Variants in GPC5 observed in about 807,000 individuals in gnomAD.
GPC5 encodes glypican 5.
In GPC5, 47 loss-of-function variants were observed where a neutral mutation model predicts 53.9. The observed-to-expected ratio is 0.87, with a 90% CI of 0.69 to 1.11. The LOEUF (loss-of-function observed/expected upper bound fraction) is 1.11, where lower values mean the gene tolerates loss of function less well. Among genes scored for constraint, GPC5 ranks in the 50% most tolerant of loss-of-function variants. The pLI is 0.00. For synonymous variants in GPC5, 286 were observed against 263.3 expected (o/e 1.09, Z -0.84); for missense variants, 748 against 713.1 (o/e 1.05, Z -0.56).
chr13:92,754,285 A>AT (rs1410095304), intron 7 of GPC5, among the ~76,000 whole-genome samples: 1 of 152,126 alleles, frequency 6.6e-6, no homozygotes, highest in Non-Finnish European at 1.5e-5. Context: ...ATGCTGAGAG[A>AT]TTTTCTCACC....
At chr13:92,580,981 A>C (rs535082377) in intron 7 of GPC5, among the ~76,000 whole-genome samples, 56 of 152,344 alleles carry the variant, frequency 3.7e-4, no homozygotes, top group African/African-American at 1.3e-3. Flanking sequence ...TTTATATTGT[A>C]CAATATGTTT....
chr13:92,561,786 C>G (rs1321313345), intron 7 of GPC5, among the ~76,000 whole-genome samples: 1 of 151,996 alleles, frequency 6.6e-6, no homozygotes, highest in Non-Finnish European at 1.5e-5. Context: ...GTTTCTATGG[C>G]AGGAGGGCAG....
At chr13:92,490,115 C>T (rs1376192709) in intron 7 of GPC5, 2 of 154,350 alleles carry the variant, frequency 1.3e-5, no homozygotes, top group Non-Finnish European at 2.9e-5. Context: ...TTCCCGAAAA[C>T]TCCAAGCTGA....
intron 7 of GPC5, among the ~76,000 whole-genome samples, chr13:92,170,420 C>CTTTTTTTTTTTTTTTTTTT (rs61418155): frequency 6.6e-5 from 5 of 75,260 alleles, no homozygotes; most frequent in African/African-American, 2.1e-4. Context: ...CTTTTCTTTG[C>CTTTTTTTTTTTTTTTTTTT]TTTTTTTTTT....
intron 2 of GPC5, among the ~76,000 whole-genome samples, chr13:91,637,040 A>G (rs2034302992): frequency 1.3e-5 from 2 of 152,226 alleles, no homozygotes; most frequent in South Asian, 4.1e-4. Context: ...CTCATTTCTT[A>G]ATTAAAATTA....
chr13:92,409,059 AC>A (rs1188768993), intron 7 of GPC5, among the ~76,000 whole-genome samples: 4 of 152,008 alleles, frequency 2.6e-5, no homozygotes, highest in Admixed American at 2.6e-4. Flanking sequence ...ATTTTAATAA[AC>A]CCTTTCCTTA....
At chr13:92,009,733 A>C (rs1182541063) in intron 6 of GPC5, among the ~76,000 whole-genome samples, 1 of 152,130 alleles carries the variant, frequency 6.6e-6, no homozygotes, top group African/African-American at 2.4e-5. Context: ...CAAGCTATCA[A>C]ATGTCACTTG....
intron 5 of GPC5, among the ~76,000 whole-genome samples, chr13:91,822,385 A>G (rs1009791079): frequency 6.6e-6 from 1 of 152,254 alleles, no homozygotes; most frequent in Non-Finnish European, 1.5e-5. Context: ...CTATACATAT[A>G]GAAAAGAGAC....
chr13:92,419,561 G>A (rs1378220042), intron 7 of GPC5, among the ~76,000 whole-genome samples: 2 of 152,082 alleles, frequency 1.3e-5, no homozygotes, highest in Admixed American at 6.6e-5. Flanking sequence ...TCAAACTCAC[G>A]TTTGTCTTGA....
chr13:91,912,632 T>C (rs2039619953), intron 6 of GPC5, among the ~76,000 whole-genome samples: 1 of 152,152 alleles, frequency 6.6e-6, no homozygotes, highest in South Asian at 2.1e-4. Context: ...TGGCATTAAA[T>C]ATTCTGCTAT....
At chr13:92,781,330 A>G (rs1253330658) in intron 7 of GPC5, among the ~76,000 whole-genome samples, 1 of 152,098 alleles carries the variant, frequency 6.6e-6, no homozygotes, top group Non-Finnish European at 1.5e-5. Context: ...TCTGTGTGAT[A>G]TTTCCTTTCA....
intron 7 of GPC5, among the ~76,000 whole-genome samples, chr13:92,826,274 T>C (rs1031405759): frequency 6.6e-6 from 1 of 152,132 alleles, no homozygotes. Context: ...ATAGGGAGAA[T>C]GCCCTCCAAA....
chr13:92,452,508 T>A (rs1172819328), intron 7 of GPC5, among the ~76,000 whole-genome samples: 1 of 152,144 alleles, frequency 6.6e-6, no homozygotes, highest in Non-Finnish European at 1.5e-5. Context: ...CTTTGCTCTT[T>A]GCACTAATTC....
chr13:92,257,529 A>G (rs1001068599), intron 7 of GPC5, among the ~76,000 whole-genome samples: 9 of 98,344 alleles, frequency 9.2e-5, no homozygotes, highest in Non-Finnish European at 1.8e-4. Flanking sequence ...CTAGTGAGAG[A>G]GGTTTCTAAT....
At chr13:92,620,941 T>C (rs1357369255) in intron 7 of GPC5, among the ~76,000 whole-genome samples, 1 of 152,216 alleles carries the variant, frequency 6.6e-6, no homozygotes, top group Non-Finnish European at 1.5e-5. Context: ...GAATTTATAG[T>C]GTTATTTTGA....
chr13:91,803,650 A>G (rs1414423418), intron 5 of GPC5, among the ~76,000 whole-genome samples: 1 of 152,156 alleles, frequency 6.6e-6, no homozygotes, highest in Non-Finnish European at 1.5e-5. Context: ...AGATTGTTAC[A>G]TTAAGTTTAA....
At chr13:91,478,207 C>G (rs1053098618) in intron 2 of GPC5, among the ~76,000 whole-genome samples, 2 of 151,716 alleles carry the variant, frequency 1.3e-5, no homozygotes, top group African/African-American at 4.8e-5. Flanking sequence ...TAAAATTACT[C>G]TTTTCATTAA....
intron 4 of GPC5, among the ~76,000 whole-genome samples, chr13:91,745,163 A>C (rs2037020535): frequency 6.6e-6 from 1 of 152,098 alleles, no homozygotes; most frequent in Non-Finnish European, 1.5e-5. Context: ...ACAACAGGGG[A>C]AAACGATGTT....
chr13:92,185,799 C>T (rs2042179878), intron 7 of GPC5, among the ~76,000 whole-genome samples: 1 of 151,954 alleles, frequency 6.6e-6, no homozygotes, highest in South Asian at 2.1e-4. Context: ...TGATTGATTC[C>T]CATGTAAATG....
Sources: gnomAD v4.1 joint callset for allele counts (sites outside exome capture counted in the v4.1 genomes callset) on GRCh38, gnomAD v4.1.1 for gene constraint, MANE v1.5 for transcripts, NCBI Gene and HGNC (gene_info 2026-07-23, HGNC 2026-07-21) for gene names.